The following PPP1CC variants were observed in gnomAD, a reference collection of about 807,000 sequenced individuals.
PPP1CC encodes serine/threonine-protein phosphatase PP1-gamma catalytic subunit.
In PPP1CC, 16 loss-of-function variants were observed where a neutral mutation model predicts 38.4. The ratio of observed to expected loss-of-function variants is 0.42; its 90% confidence interval spans 0.28 to 0.63. PPP1CC has a LOEUF of 0.63. PPP1CC is among the 30% of genes least tolerant of loss of function. The pLI is 0.25. For missense variants in PPP1CC, 170 were observed against 391.3 expected (o/e 0.43, Z 4.77); for synonymous variants, 158 against 136.0 (o/e 1.16, Z -1.13).
downstream of PPP1CC, among the ~76,000 whole-genome samples, chr12:110,718,973 A>C (rs1365666927): frequency 2.6e-5 from 4 of 152,124 alleles, no homozygotes; most frequent in Non-Finnish European, 5.9e-5. Context: ...TACTTGATAA[A>C]TGTTCCTTAA....
the PPP1CC span, among the ~76,000 whole-genome samples, chr12:110,709,387 CCTGA>C: frequency 2.6e-5 from 4 of 151,332 alleles, no homozygotes; most frequent in African/African-American, 4.9e-5. Context: ...TGCCACCATG[CCTGA>C]CTAATTTTTT....
intron 3 of PPP1CC, among the ~76,000 whole-genome samples, chr12:110,729,792 G>A (rs144307649): frequency 5.9e-4 from 90 of 152,286 alleles, no homozygotes; most frequent in African/African-American, 2.0e-3. Flanking sequence ...TATGGTGATG[G>A]TCGCATAACT....
chr12:110,727,988 A>G (rs73194035), intron 3 of PPP1CC, among the ~76,000 whole-genome samples: 8,165 of 152,316 alleles, frequency 0.054, 301 homozygotes, highest in Non-Finnish European at 0.08. Flanking sequence ...AAACTGATGC[A>G]GCCAGTATCA....
chr12:110,739,755 C>CA (rs915260198), intron 1 of PPP1CC, among the ~76,000 whole-genome samples: 18 of 151,746 alleles, frequency 1.2e-4, no homozygotes, highest in South Asian at 2.1e-4. Context: ...ACCTGCTATG[C>CA]AAAAAAAATG....
downstream of PPP1CC, among the ~76,000 whole-genome samples, chr12:110,714,924 C>T (rs2069677009): frequency 6.6e-6 from 1 of 151,626 alleles, no homozygotes; most frequent in East Asian, 1.9e-4. Flanking sequence ...TGAGCAAAGC[C>T]CCATCAGATG....
chr12:110,730,952 A>C (rs1219050083), intron 2 of PPP1CC, among the ~76,000 whole-genome samples, 193 bp from the exon 3 acceptor site: 2 of 152,214 alleles, frequency 1.3e-5, no homozygotes, highest in East Asian at 1.9e-4. Flanking sequence ...GCTTAACAAA[A>C]ATTTTAAGTA....
chr12:110,737,789 G>GA (rs952019563), intron 1 of PPP1CC, among the ~76,000 whole-genome samples: 9 of 151,146 alleles, frequency 6.0e-5, no homozygotes, highest in Non-Finnish European at 3.0e-5. Flanking sequence ...AAAAGAAAAA[G>GA]AAAAAAAAAT....
rs1258579509 is a variant in PPP1CC, at chr12:110,721,144, T to C, written c.904A>G (p.Lys302Glu). ...SFQILKPAEK[K>E]KPNATRPVTP... is the part of the protein sequence containing the mutation. ...ACAGGTCTCGTGGCATTTGGCTTCT[T>C]TTTCTCTGCAGGCTTTAAAATCTGG... The change falls in exon 7 of 7, where the codon AAG becomes GAG. Residue 302 changes from lysine (K) to glutamate (E), a missense_variant. Transcript: ENST00000335007. 1.9e-6 allele frequency: 3 copies of C among 1,613,800 alleles called. No individual in the cohort carries two copies. The Admixed American group carries it at 5.0e-5, about 27-fold the overall frequency.
intron 1 of PPP1CC, among the ~76,000 whole-genome samples, chr12:110,735,341 G>A (rs1259231863): frequency 6.6e-6 from 1 of 152,118 alleles, no homozygotes; most frequent in Non-Finnish European, 1.5e-5. Flanking sequence ...TCCTGTCAAC[G>A]ATCCTAGGAA....
the PPP1CC span, among the ~76,000 whole-genome samples, chr12:110,711,648 G>A: frequency 6.6e-6 from 1 of 152,058 alleles, no homozygotes; most frequent in Non-Finnish European, 1.5e-5. Flanking sequence ...ACACTAGCCA[G>A]GGGCAGTGGC....
downstream of PPP1CC, among the ~76,000 whole-genome samples, chr12:110,717,685 C>T (rs1283696056): frequency 6.6e-6 from 1 of 152,146 alleles, no homozygotes; most frequent in Non-Finnish European, 1.5e-5. Context: ...TGTGAGCCAC[C>T]ATGCCCGGCC....
At chr12:110,742,588 GC>G in intron 1 of PPP1CC, 64 bp downstream of exon 1, 9 of 1,320,280 alleles carry the variant, frequency 6.8e-6, no homozygotes, top group Admixed American at 3.5e-5. Context: ...CCTCCCTCGA[GC>G]CCCCGGGGCC....
intron 3 of PPP1CC, among the ~76,000 whole-genome samples, chr12:110,727,920 C>T (rs2069820186): frequency 6.6e-6 from 1 of 151,966 alleles, no homozygotes; most frequent in Non-Finnish European, 1.5e-5. Flanking sequence ...AAACTGATAC[C>T]AACCAACACT....
downstream of PPP1CC, among the ~76,000 whole-genome samples, chr12:110,716,355 A>C (rs945273361): frequency 1.1e-4 from 17 of 149,748 alleles, no homozygotes; most frequent in African/African-American, 4.2e-4. Context: ...CTTAGTTTTA[A>C]CTTTTTTTTT....
At position 110,742,745 on chromosome 12, in the gene PPP1CC, C is replaced by G. The variant is rs999115480; in HGVS notation, c.-38G>C. The G allele has an allele frequency of 7.3e-7, 1 of 1,368,270 alleles. No individual in the cohort carries two copies. The allele number at this position is 1,368,270 out of a possible 1,614,324, so 84.8% of individuals were successfully genotyped here. ...GCCGACCCTCCCGCAGCGGCGCCGCCGCCGGCTCGCGCCCGGGACTCACAC... is the reference window on the plus strand; with the variant it reads ...GCCGACCCTCCCGCAGCGGCGCCGCGGCCGGCTCGCGCCCGGGACTCACAC... On this transcript the variant is annotated 5_prime_UTR_variant, in exon 1 of 7. Transcript: ENST00000335007.
At chr12:110,731,700 G>C in intron 2 of PPP1CC, 70 bp downstream of exon 2, 1 of 1,518,310 alleles carries the variant, frequency 6.6e-7, no homozygotes, top group South Asian at 1.2e-5. Context: ...CTAATACAAG[G>C]TCATCAACAT....
At chr12:110,727,688 C>G (rs748665900) in intron 3 of PPP1CC, among the ~76,000 whole-genome samples, 2 of 151,504 alleles carry the variant, frequency 1.3e-5, no homozygotes, top group Non-Finnish European at 2.9e-5. Flanking sequence ...TTAAATTGTC[C>G]CATGAAAATC....
chr12:110,722,670 C>CATAGATTGA lies in PPP1CC; in HGVS notation c.540_548dup (p.Ser182_Met183insIleGlnSer). Reference sequence around the variant, plus strand: ...GTCGCATAATTCGCCGAATCTGCTCCATAGATTGAAGATCTGGTGATAAAC... The same window carrying CATAGATTGA: ...GTCGCATAATTCGCCGAATCTGCTCCATAGATTGAATAGATTGAAGATCTGGTGATAAAC... On this transcript the variant is annotated inframe_insertion, in exon 5 of 7. Transcript: ENST00000335007. The surrounding 1 kb of genome is among the most constrained non-coding windows in gnomAD (Gnocchi z 5.4). The CATAGATTGA allele has an allele frequency of 6.2e-7, 1 of 1,612,816 alleles. No homozygotes were observed. Among genetic ancestry groups the CATAGATTGA allele is most frequent in the Non-Finnish European group, 8.5e-7 (1 of 1,179,660 alleles).
At chr12:110,728,028 G>C (rs541947217) in intron 3 of PPP1CC, among the ~76,000 whole-genome samples, 2 of 152,306 alleles carry the variant, frequency 1.3e-5, no homozygotes, top group East Asian at 3.9e-4. Flanking sequence ...ACAAAAATGA[G>C]GTCAACTGGA....
Sources: gnomAD v4.1 joint callset for allele counts (sites outside exome capture counted in the v4.1 genomes callset) on GRCh38, gnomAD v4.1.1 for gene constraint, Gnocchi (gnomAD v3.1) non-coding constraint, MANE v1.5 for transcripts, NCBI Gene and HGNC (gene_info 2026-07-23, HGNC 2026-07-21) for gene names.